The following BAALC variants were observed in gnomAD, a reference collection of about 807,000 sequenced individuals.
The protein encoded by BAALC is brain and acute leukemia cytoplasmic protein.
A neutral mutation model predicts 15.5 loss-of-function variants in BAALC; 9 were observed. The ratio of observed to expected loss-of-function variants is 0.58; its 90% CI spans 0.35 to 1.02. BAALC has a LOEUF of 1.02. Ranked by LOEUF, BAALC falls within the 50% of genes least tolerant of loss-of-function variation. The pLI, the probability that BAALC is intolerant of heterozygous loss-of-function variation, is 0.02. For missense variants in BAALC, 201 were observed against 192.4 expected (o/e 1.04, Z -0.27); for synonymous variants, 80 against 74.6 (o/e 1.07, Z -0.37).
At chr8:103,162,492 G>A (rs1811249129) in intron 1 of BAALC, among the ~76,000 whole-genome samples, 2 of 152,246 alleles carry the variant, frequency 1.3e-5, no homozygotes, top group South Asian at 4.1e-4. Context: ...TTTCTGCAAG[G>A]GCTAGTTTGG....
chr8:103,183,442 G>A (rs1811768761), intron 1 of BAALC: 4 of 703,026 alleles, frequency 5.7e-6, no homozygotes, highest in African/African-American at 1.7e-5. Context: ...GAAGGACTGT[G>A]CAGGTAGCAT....
intron 1 of BAALC, among the ~76,000 whole-genome samples, chr8:103,193,113 C>T (rs1036192866): frequency 2.0e-5 from 3 of 152,156 alleles, no homozygotes; most frequent in Admixed American, 2.0e-4. Flanking sequence ...CTAGCCAAGC[C>T]CCCAATTATC....
intron 1 of BAALC, among the ~76,000 whole-genome samples, chr8:103,184,295 C>A (rs1811788224): frequency 6.6e-6 from 1 of 152,166 alleles, no homozygotes; most frequent in Non-Finnish European, 1.5e-5. Context: ...TGCTGTGGAA[C>A]CTCATATATT....
intron 1 of BAALC, among the ~76,000 whole-genome samples, chr8:103,166,515 T>C (rs181278895): frequency 1.3e-3 from 202 of 152,198 alleles, no homozygotes; most frequent in African/African-American, 4.6e-3. Flanking sequence ...AGAAACCGTT[T>C]TGTTTTTTTG....
In BAALC at chr8:103,178,862, C is replaced by CAA. The variant is rs34211860; in HGVS notation, c.161-34043_161-34042dup. Among the ~76,000 whole-genome samples, 484 of 101,688 alleles carry CAA rather than the reference C, an allele frequency of 4.8e-3. 2 individuals carry two copies. Among genetic ancestry groups the CAA allele is most frequent in the Non-Finnish European group, 6.7e-3 (341 of 51,042 alleles). 66.7% of individuals were successfully genotyped at this position (101,688 alleles called of 152,430 possible). On this transcript the variant is annotated intron_variant, in intron 1 of 2. Coordinates refer to ENST00000309982, the MANE Select transcript of BAALC (RefSeq NM_024812.3). ...TGGGATACAGAGTGAGACTCTGTCT[C>CAA]AAAAAAAAAAAAAAAGTTAATTTAA...
At chr8:103,227,223 G>A (rs1812825654) in intron 2 of BAALC, among the ~76,000 whole-genome samples, 2 of 152,152 alleles carry the variant, frequency 1.3e-5, no homozygotes, top group South Asian at 4.1e-4. Context: ...AGAGATTAAT[G>A]CAAATTGTGA....
intron 1 of BAALC, among the ~76,000 whole-genome samples, chr8:103,202,288 T>C (rs972485677): frequency 6.6e-6 from 1 of 152,186 alleles, no homozygotes; most frequent in African/African-American, 2.4e-5. Context: ...AAGATGAGGT[T>C]ATTTGGGTAG....
At chr8:103,153,862 G>A (rs1811032795) in intron 1 of BAALC, among the ~76,000 whole-genome samples, 1 of 152,186 alleles carries the variant, frequency 6.6e-6, no homozygotes, top group Admixed American at 6.5e-5. Context: ...GGAAAGGCTT[G>A]CAGAAAATAG....
At chr8:103,212,858 A>G (rs925323783) in intron 1 of BAALC, 61 bp from the exon 2 acceptor site, 6 of 1,503,156 alleles carry the variant, frequency 4.0e-6, no homozygotes, top group Non-Finnish European at 5.4e-6. Context: ...CCATTTTGGG[A>G]TTGTTTGCAA....
At chr8:103,151,200 G>T (rs566697741) in intron 1 of BAALC, among the ~76,000 whole-genome samples, 84 of 152,048 alleles carry the variant, frequency 5.5e-4, no homozygotes, top group African/African-American at 2.0e-3. Context: ...TGTATTTTTA[G>T]TAGAGATGAG....
intron 1 of BAALC, among the ~76,000 whole-genome samples, chr8:103,194,367 G>A (rs1812043305): frequency 6.6e-6 from 1 of 151,464 alleles, no homozygotes; most frequent in South Asian, 2.1e-4. Flanking sequence ...ACAATATAAT[G>A]TAGTCTTTTC....
At chr8:103,227,847 G>A (rs1386644799) in intron 2 of BAALC, 142 bp from the exon 3 acceptor site, 5 of 618,502 alleles carry the variant, frequency 8.1e-6, no homozygotes, top group African/African-American at 1.9e-5. Flanking sequence ...GATCACAAAT[G>A]TTCCTGTGAT....
chr8:103,192,913 C>G (rs1404523676), intron 1 of BAALC, among the ~76,000 whole-genome samples: 1 of 152,196 alleles, frequency 6.6e-6, no homozygotes, highest in Non-Finnish European at 1.5e-5. Flanking sequence ...TACCAGCATC[C>G]CAGATATCAC....
At chr8:103,169,385 C>T (rs1811426427) in intron 1 of BAALC, among the ~76,000 whole-genome samples, 2 of 151,998 alleles carry the variant, frequency 1.3e-5, no homozygotes, top group Non-Finnish European at 2.9e-5. Context: ...AGTTTATGTC[C>T]CCCACCCCGT....
At chr8:103,196,835 C>T (rs1812109122) in intron 1 of BAALC, among the ~76,000 whole-genome samples, 1 of 152,174 alleles carries the variant, frequency 6.6e-6, no homozygotes, top group South Asian at 2.1e-4. Flanking sequence ...AGAAAATGAG[C>T]CTCGTGGTGG....
At position 103,229,240 on chromosome 8, in the gene BAALC, T is replaced by C. The variant is rs1239748691; in HGVS notation, c.*1141T>C. 2 of 152,238 alleles carry C rather than the reference T, an allele frequency of 1.3e-5. No homozygotes were observed. Among genetic ancestry groups the C allele is most frequent in the African/African-American group, 4.8e-5 (2 of 41,472 alleles). 9.4% of individuals were successfully genotyped at this position (152,238 alleles called of 1,614,324 possible). ...ACATGTTCATCTGGAAGTATTTTCC[T>C]CCAAAGTAATGTAGCATGATTTTTC... is the stretch of plus-strand genomic sequence containing the variant. On this transcript the variant is annotated 3_prime_UTR_variant, in exon 3 of 3. Coordinates refer to ENST00000309982, the MANE Select transcript of BAALC (RefSeq NM_024812.3).
intron 1 of BAALC, among the ~76,000 whole-genome samples, chr8:103,160,645 A>G (rs1231708029): frequency 1.3e-5 from 2 of 152,150 alleles, no homozygotes; most frequent in Non-Finnish European, 2.9e-5. Flanking sequence ...ATATATATAT[A>G]AAGGGGAGTT....
intron 1 of BAALC, among the ~76,000 whole-genome samples, chr8:103,169,416 T>A (rs1168258328): frequency 1.3e-5 from 2 of 152,208 alleles, no homozygotes; most frequent in Non-Finnish European, 2.9e-5. Context: ...GGTCTTTCTC[T>A]TGTTTCGTGG....
intron 1 of BAALC, among the ~76,000 whole-genome samples, chr8:103,164,888 T>G (rs1448989704): frequency 1.3e-5 from 2 of 152,188 alleles, no homozygotes; most frequent in East Asian, 1.9e-4. Context: ...CCCAGATGAG[T>G]GTTTCTTGGA....
Sources: allele counts gnomAD v4.1 joint callset (sites outside exome capture counted in the v4.1 genomes callset), GRCh38; gene constraint gnomAD v4.1.1; transcripts MANE v1.5; gene names NCBI Gene and HGNC (gene_info 2026-07-23, HGNC 2026-07-21).